Variants in KLHL14 observed in about 807,000 individuals in gnomAD.
The protein encoded by KLHL14 is kelch-like protein 14.
KLHL14 carries 22 observed loss-of-function variants against 64.3 expected under a neutral mutation model. The ratio of observed to expected loss-of-function variants is 0.34; its 90% CI spans 0.24 to 0.49. KLHL14 has a LOEUF of 0.49. Ranked by LOEUF, KLHL14 falls within the 20% of genes least tolerant of loss-of-function variation. The probability of loss-of-function intolerance (pLI) is 0.99; values close to 1 mark genes in which losing one functional copy is unlikely to be tolerated. For missense variants in KLHL14, 661 were observed against 789.0 expected, an observed-to-expected ratio of 0.84 and a Z score of 1.94; for synonymous variants, 322 against 333.4, an observed-to-expected ratio of 0.97 and a Z score of 0.37.
chr18:32,736,957 TGAGAG>T (rs2050169411), intron 3 of KLHL14, among the ~76,000 whole-genome samples: 1 of 152,068 alleles, frequency 6.6e-6, no homozygotes. Context: ...CTTAGGTTAT[TGAGAG>T]GAGAGATTAT....
chr18:32,691,202 G>A (rs2049905974), intron 4 of KLHL14, among the ~76,000 whole-genome samples: 1 of 152,196 alleles, frequency 6.6e-6, no homozygotes, highest in African/African-American at 2.4e-5. Flanking sequence ...TTTGGAAGAC[G>A]ATATCTGCCT....
chr18:32,731,522 A>T (rs1004229364), intron 3 of KLHL14, among the ~76,000 whole-genome samples: 2 of 152,138 alleles, frequency 1.3e-5, no homozygotes, highest in Admixed American at 6.6e-5. Context: ...AGCAGAAAAG[A>T]TAGCTATTGG....
Position 32,770,656 on chromosome 18 carries a change from T to A in KLHL14, c.-43-22A>T. ...CAACCTGGCAGACAGGGGTGGGGGATGGGAGGGAGGGGAGCAGGGTGGTGG... is the reference window on the plus strand; with the variant it reads ...CAACCTGGCAGACAGGGGTGGGGGAAGGGAGGGAGGGGAGCAGGGTGGTGG... On this transcript the variant is annotated intron_variant, in intron 1 of 8. Transcript: ENST00000359358. The surrounding 1 kb of genome is among the most constrained non-coding windows in gnomAD (Gnocchi z 6.7). 1 of 205,686 alleles carries A rather than the reference T, an allele frequency of 4.9e-6. No homozygotes were observed. Among genetic ancestry groups the A allele is most frequent in the Non-Finnish European group, 8.0e-6 (1 of 124,260 alleles). 12.7% of individuals were successfully genotyped at this position (205,686 alleles called of 1,614,324 possible). A position where few individuals can be genotyped will look rare whatever the true frequency, so the allele number is the denominator to read the frequency against.
At chr18:32,771,545 C>A (rs1473911780) in intron 1 of KLHL14, among the ~76,000 whole-genome samples, 1 of 152,090 alleles carries the variant, frequency 6.6e-6, no homozygotes, top group East Asian at 1.9e-4. Context: ...TCCCCCGTCT[C>A]GCTCATTTCA....
chr18:32,735,493 C>T (rs571034862), intron 3 of KLHL14, among the ~76,000 whole-genome samples: 16 of 152,260 alleles, frequency 1.1e-4, no homozygotes, highest in African/African-American at 2.9e-4. Flanking sequence ...AGTTCAGCCA[C>T]GCACCTTCTT....
In KLHL14 at chr18:32,716,559, C is replaced by T. The variant is rs1419177685; in HGVS notation, c.1070-21007G>A. ...CCTCCTGAGTAGCTGGGATTGTAGG[C>T]ACACGCCACCACGCCCAGCTAATTT... On this transcript the variant is annotated intron_variant, in intron 3 of 8. Transcript: ENST00000359358. Among the ~76,000 whole-genome samples, 3 of 152,074 alleles carry T rather than the reference C, an allele frequency of 2.0e-5. No individual in the cohort carries two copies. The East Asian group carries it at 5.8e-4, about 29-fold the overall frequency.
rs773002603 is a variant in KLHL14 at position 32,769,714 on chromosome 18, A to C, written c.878T>G (p.Leu293Arg). 2.5e-6 allele frequency: 4 copies of C among 1,579,822 alleles called. No individual in the cohort carries two copies. Among genetic ancestry groups the C allele is most frequent in the Non-Finnish European group, 3.4e-6 (4 of 1,160,522 alleles). Residue 293 changes from leucine (L) to arginine (R), a missense_variant, in exon 2 of 9, where the codon CTG becomes CGG. Physicochemically the swap from Leu to Arg is moderately radical, Grantham distance 102 (BLOSUM62 -2). Transcript: ENST00000359358. ...GTGGTAGTTCATGGCGTCCAGCAGC[A>C]GCTTCTGGCAGACCGGGTCGGTTCG... Reference protein sequence around the residue: ...FMRTDPVCQKLLLDAMNYHLM... With the variant: ...FMRTDPVCQKRLLDAMNYHLM...
At chr18:32,702,852 T>C (rs1268091271) in intron 3 of KLHL14, among the ~76,000 whole-genome samples, 2 of 152,170 alleles carry the variant, frequency 1.3e-5, no homozygotes, top group Non-Finnish European at 2.9e-5. Flanking sequence ...CCAAGCCAGA[T>C]TTTCATAATC....
At position 32,674,575 on chromosome 18, in the gene KLHL14, T is replaced by G; in HGVS notation, c.*82A>C. 1 of 709,750 alleles carries G rather than the reference T, an allele frequency of 1.4e-6. No individual in the cohort carries two copies. Among genetic ancestry groups the G allele is most frequent in the Non-Finnish European group, 2.6e-6 (1 of 381,220 alleles). The allele number at this position is 709,750 out of a possible 1,614,324, so 44.0% of individuals were successfully genotyped here. A position where few individuals can be genotyped will look rare whatever the true frequency, so the allele number is the denominator to read the frequency against. ...GGTTTTGGCAGTTGTACCATTAGAA[T>G]GCATTGTTCCTATTATAATAGTGAT... On this transcript the variant is annotated 3_prime_UTR_variant, in exon 9 of 9. Coordinates refer to ENST00000359358, the MANE Select transcript of KLHL14 (RefSeq NM_020805.3).
chr18:32,722,780 T>A (rs1317612939), intron 3 of KLHL14, among the ~76,000 whole-genome samples: 2 of 152,116 alleles, frequency 1.3e-5, no homozygotes, highest in African/African-American at 4.8e-5. Flanking sequence ...GGCTACATAG[T>A]GAGACCCTGT....
At chr18:32,698,612 TTACTC>T (rs1400038290) in intron 3 of KLHL14, among the ~76,000 whole-genome samples, 1 of 152,200 alleles carries the variant, frequency 6.6e-6, no homozygotes, top group Non-Finnish European at 1.5e-5. Context: ...AAAGGTCACT[TTACTC>T]AGAGGGAGTA....
At chr18:32,687,117 C>A (rs752841890) in intron 5 of KLHL14, 38 bp downstream of exon 5, 1 of 1,536,914 alleles carries the variant, frequency 6.5e-7, no homozygotes. Flanking sequence ...CCTGTAAAGC[C>A]GTCACAAACG....
intron 2 of KLHL14, chr18:32,743,396 C>T (rs1242558821): frequency 3.4e-5 from 1 of 29,584 alleles, no homozygotes; most frequent in African/African-American, 1.2e-4. Context: ...CAGTTAATGA[C>T]ATCTCCATGT....
intron 3 of KLHL14, among the ~76,000 whole-genome samples, chr18:32,725,069 C>T (rs2050101206): frequency 6.6e-6 from 1 of 151,300 alleles, no homozygotes; most frequent in South Asian, 2.1e-4. Flanking sequence ...GGCTGGAGTG[C>T]ACTGGCACAA....
chr18:32,684,773 G>C (rs2049863974), intron 5 of KLHL14, among the ~76,000 whole-genome samples: 1 of 152,204 alleles, frequency 6.6e-6, no homozygotes, highest in Admixed American at 6.5e-5. Flanking sequence ...CTGATCTGAA[G>C]AGTGTCTCAT....
intron 3 of KLHL14, among the ~76,000 whole-genome samples, chr18:32,698,014 T>C (rs2144488346): frequency 6.6e-6 from 1 of 152,320 alleles, no homozygotes; most frequent in South Asian, 2.1e-4. Flanking sequence ...ACCCAAATGC[T>C]CTTTGACATT....
At chr18:32,736,564 C>A (rs1487597142) in intron 3 of KLHL14, among the ~76,000 whole-genome samples, 1 of 152,050 alleles carries the variant, frequency 6.6e-6, no homozygotes, top group African/African-American at 2.4e-5. Context: ...TCCCTACTTG[C>A]AATTCTTAAT....
At chr18:32,725,199 T>C (rs1183324186) in intron 3 of KLHL14, among the ~76,000 whole-genome samples, 1 of 152,018 alleles carries the variant, frequency 6.6e-6, no homozygotes, top group Admixed American at 6.6e-5. Context: ...ACTACTTATT[T>C]TTTAATTTTT....
chr18:32,729,691 G>T (rs1249657059), intron 3 of KLHL14, among the ~76,000 whole-genome samples: 2 of 152,172 alleles, frequency 1.3e-5, no homozygotes, highest in Non-Finnish European at 2.9e-5. Flanking sequence ...ATATGTCATT[G>T]TCATAATATC....
Sources: allele counts gnomAD v4.1 joint callset (sites outside exome capture counted in the v4.1 genomes callset), GRCh38; gene constraint gnomAD v4.1.1; non-coding constraint Gnocchi (gnomAD v3.1); transcripts MANE v1.5; gene names NCBI Gene and HGNC (gene_info 2026-07-23, HGNC 2026-07-21).